RABGAP1L: variants seen among roughly 807,000 people sequenced by gnomAD.
RABGAP1L encodes RAB GTPase activating protein 1 like.
In RABGAP1L, 63 loss-of-function variants were observed where a neutral mutation model predicts 137.7. That is an observed-to-expected ratio of 0.46 (90% CI 0.37 to 0.56). The LOEUF (loss-of-function observed/expected upper bound fraction) is 0.56, where lower values mean the gene tolerates loss of function less well. Ranked by LOEUF, RABGAP1L falls within the 20% of genes least tolerant of loss-of-function variation. The pLI is 0.00. For missense variants in RABGAP1L, 1,095 were observed against 1,244.0 expected, an observed-to-expected ratio of 0.88 and a Z score of 1.80; for synonymous variants, 431 against 433.7, an observed-to-expected ratio of 0.99 and a Z score of 0.08.
intron 14 of RABGAP1L, among the ~76,000 whole-genome samples, chr1:174,678,312 A>G (rs1187301221): frequency 1.3e-5 from 2 of 152,198 alleles, no homozygotes; most frequent in Non-Finnish European, 2.9e-5. Flanking sequence ...TACCAGTCTT[A>G]CGCAAAACTC....
chr1:174,791,374 G>C (rs1467637589), intron 18 of RABGAP1L, among the ~76,000 whole-genome samples: 1 of 152,170 alleles, frequency 6.6e-6, no homozygotes, highest in African/African-American at 2.4e-5. Context: ...GAAGATGTTA[G>C]AGATTGCAAA....
chr1:174,746,982 A>G (rs1325363941), intron 17 of RABGAP1L, among the ~76,000 whole-genome samples: 1 of 152,224 alleles, frequency 6.6e-6, no homozygotes, highest in Non-Finnish European at 1.5e-5. Flanking sequence ...TACTCTTAAT[A>G]ATTCTCCAAA....
chr1:174,230,420 G>A (rs1409040195), intron 3 of RABGAP1L, among the ~76,000 whole-genome samples: 1 of 152,008 alleles, frequency 6.6e-6, no homozygotes, highest in Non-Finnish European at 1.5e-5. Context: ...AAAAAAAAAG[G>A]AAGTCAATTA....
intron 19 of RABGAP1L, among the ~76,000 whole-genome samples, chr1:174,907,934 T>G (rs1318629627): frequency 6.6e-6 from 1 of 152,198 alleles, no homozygotes; most frequent in Non-Finnish European, 1.5e-5. Flanking sequence ...CCATTTCACC[T>G]ATCAAGACAC....
chr1:174,518,702 G>A (rs1037683251), intron 13 of RABGAP1L, among the ~76,000 whole-genome samples: 1 of 152,156 alleles, frequency 6.6e-6, no homozygotes, highest in African/African-American at 2.4e-5. Flanking sequence ...AGGAATGAAT[G>A]GTGCCTTCTG....
intron 10 of RABGAP1L, among the ~76,000 whole-genome samples, chr1:174,279,365 C>A (rs1442433054): frequency 1.3e-5 from 2 of 152,010 alleles, no homozygotes; most frequent in African/African-American, 2.4e-5. Context: ...TGAAAAATAA[C>A]TTGAATGCTA....
chr1:174,558,029 C>T (rs956802299), intron 13 of RABGAP1L, among the ~76,000 whole-genome samples: 1 of 152,230 alleles, frequency 6.6e-6, no homozygotes, highest in Admixed American at 6.5e-5. Flanking sequence ...CAGCCTTTTG[C>T]AGCCGCTTCC....
At chr1:174,497,697 C>A in intron 13 of RABGAP1L, among the ~76,000 whole-genome samples, 1 of 152,196 alleles carries the variant, frequency 6.6e-6, no homozygotes, top group East Asian at 1.9e-4. Flanking sequence ...CTTACAGATT[C>A]CCTTGCTGTT....
At chr1:174,945,445 A>G (rs1666580987) in intron 19 of RABGAP1L, 1 of 152,228 alleles carries the variant, frequency 6.6e-6, no homozygotes, top group Admixed American at 6.5e-5. Flanking sequence ...ACTTGATATT[A>G]TTGCTTCTTA....
chr1:174,351,391 C>T (rs140321638), intron 11 of RABGAP1L, among the ~76,000 whole-genome samples: 1 of 152,214 alleles, frequency 6.6e-6, no homozygotes, highest in East Asian at 1.9e-4. Flanking sequence ...TTTTGTTGAT[C>T]TGTGCAAGAC....
intron 19 of RABGAP1L, among the ~76,000 whole-genome samples, chr1:174,861,153 A>G (rs990276581): frequency 8.5e-5 from 13 of 152,074 alleles, no homozygotes; most frequent in African/African-American, 2.9e-4. Flanking sequence ...TGAGTTTGAC[A>G]TTTTTAGATT....
At chr1:174,225,416 G>GTAAT (rs1273477119) in intron 3 of RABGAP1L, among the ~76,000 whole-genome samples, 1 of 148,630 alleles carries the variant, frequency 6.7e-6, no homozygotes, top group Non-Finnish European at 1.5e-5. Flanking sequence ...TGTTTGTTGA[G>GTAAT]TAATTGGCTT....
chr1:174,308,026 C>A (rs1206781474), intron 11 of RABGAP1L, among the ~76,000 whole-genome samples: 1 of 151,956 alleles, frequency 6.6e-6, no homozygotes, highest in African/African-American at 2.4e-5. Context: ...GAGATGATAT[C>A]TCATTGTAGT....
chr1:174,312,665 A>G (rs1230563917), intron 11 of RABGAP1L, among the ~76,000 whole-genome samples: 1 of 152,102 alleles, frequency 6.6e-6, no homozygotes, highest in Non-Finnish European at 1.5e-5. Flanking sequence ...ATTACCCATG[A>G]AATTTTTGCC....
chr1:174,761,467 T>G lies in RABGAP1L; in HGVS notation c.2211+9113T>G, dbSNP rs1573067597. ...AGACGGTGCAGCCGCCAGGCAGAGG[T>G]GCTCCTCACTTCCCAGACAATGCAG... On this transcript the variant is annotated intron_variant, in intron 18 of 25. Transcript: ENST00000681986. The surrounding 1 kb of genome is among the most constrained non-coding windows in gnomAD (Gnocchi z 4.0). Among the ~76,000 whole-genome samples, 1 of 145,538 alleles carries G rather than the reference T, an allele frequency of 6.9e-6. No individual in the cohort carries two copies. The highest frequency in any genetic ancestry group is 1.5e-5 in the Non-Finnish European group (1 of 66,404).
intron 19 of RABGAP1L, among the ~76,000 whole-genome samples, chr1:174,907,372 G>T (rs1659268247): frequency 6.6e-6 from 1 of 152,048 alleles, no homozygotes; most frequent in Non-Finnish European, 1.5e-5. Context: ...GACTGCAGTG[G>T]CATGATTATG....
intron 19 of RABGAP1L, among the ~76,000 whole-genome samples, chr1:174,833,412 G>GTGTGTGTGTATATATATATA (rs1692342852): frequency 1.2e-5 from 1 of 84,226 alleles, no homozygotes; most frequent in African/African-American, 3.3e-5. Context: ...ATGTGTGTAT[G>GTGTGTGTGTATATATATATA]TGTGTGTGTG....
chr1:174,230,138 A>G (rs1453979335), intron 3 of RABGAP1L, among the ~76,000 whole-genome samples: 1 of 152,038 alleles, frequency 6.6e-6, no homozygotes, highest in African/African-American at 2.4e-5. Context: ...TCAGCAAACT[A>G]TCGCAAGGAC....
chr1:174,755,782 GT>G (rs1203837896), intron 18 of RABGAP1L, among the ~76,000 whole-genome samples: 2 of 152,198 alleles, frequency 1.3e-5, no homozygotes, highest in African/African-American at 4.8e-5. Flanking sequence ...GAAGAACAGT[GT>G]GAAAGGATGC....
Sources: allele counts gnomAD v4.1 joint callset (sites outside exome capture counted in the v4.1 genomes callset), GRCh38; gene constraint gnomAD v4.1.1; non-coding constraint Gnocchi (gnomAD v3.1); transcripts MANE v1.5; gene names NCBI Gene and HGNC (gene_info 2026-07-23, HGNC 2026-07-21).